IGSF21: variants seen among roughly 807,000 people sequenced by gnomAD.
The protein encoded by IGSF21 is immunoglobulin superfamily member 21.
In IGSF21, 28 loss-of-function variants were observed where a neutral mutation model predicts 46.8. The observed-to-expected ratio is 0.60, with a 90% confidence interval of 0.44 to 0.82. IGSF21 has a LOEUF of 0.82. IGSF21 is among the 40% of genes least tolerant of loss of function. The pLI is 0.00. For synonymous variants in IGSF21, 284 were observed against 273.6 expected (o/e 1.04, Z -0.38); for missense variants, 624 against 665.5 (o/e 0.94, Z 0.69).
rs553130846 is a variant in IGSF21 at position 18,179,505 on chromosome 1, G to C, written c.71-48393G>C. Among the ~76,000 whole-genome samples, 12 of 152,284 alleles carry C rather than the reference G, an allele frequency of 7.9e-5. No individual in the cohort carries two copies. In the South Asian group the frequency reaches 8.3e-4, roughly 11 times the overall value. ...AGATGTATTCCAAAGATGTAATCCA[G>C]GCTGGATTTGTAATTCTATATTCAT... On this transcript the variant is annotated intron_variant, in intron 1 of 9. Transcript: ENST00000251296.
intron 1 of IGSF21, among the ~76,000 whole-genome samples, chr1:18,133,790 C>T (rs1053809675): frequency 1.1e-4 from 16 of 152,240 alleles, no homozygotes; most frequent in African/African-American, 2.9e-4. Flanking sequence ...TGGAAGCCTC[C>T]GGTGGGGGGC....
At chr1:18,259,192 C>T (rs223187) in intron 2 of IGSF21, among the ~76,000 whole-genome samples, 61,785 of 152,060 alleles carry the variant, frequency 0.41, 13,558 homozygotes, top group African/African-American at 0.57. Flanking sequence ...AGAGAAATCT[C>T]AGTGGAACTT....
intron 1 of IGSF21, among the ~76,000 whole-genome samples, chr1:18,159,097 C>T (rs1334765198): frequency 2.0e-5 from 3 of 152,200 alleles, no homozygotes; most frequent in African/African-American, 2.4e-5. Flanking sequence ...ACCATCACAT[C>T]GTGCTGTCAC....
At chr1:18,288,674 C>T (rs1304141835) in intron 2 of IGSF21, among the ~76,000 whole-genome samples, 1 of 152,216 alleles carries the variant, frequency 6.6e-6, no homozygotes, top group Non-Finnish European at 1.5e-5. Context: ...GAATAACATC[C>T]TTGCAAATAG....
chr1:18,116,868 C>T (rs1020844253), intron 1 of IGSF21, among the ~76,000 whole-genome samples: 2 of 152,194 alleles, frequency 1.3e-5, no homozygotes, highest in Non-Finnish European at 2.9e-5. Context: ...AGAAACAGCA[C>T]ATGCAAAGGG....
At chr1:18,370,359 G>T (rs111543844) in intron 6 of IGSF21, among the ~76,000 whole-genome samples, 5 of 152,266 alleles carry the variant, frequency 3.3e-5, no homozygotes, top group African/African-American at 1.2e-4. Flanking sequence ...TCAGGAAAGA[G>T]AAGTTCTCTT....
intron 1 of IGSF21, among the ~76,000 whole-genome samples, chr1:18,130,003 C>T (rs969202978): frequency 7.9e-5 from 12 of 152,128 alleles, no homozygotes; most frequent in Non-Finnish European, 8.8e-5. Flanking sequence ...TATAAATTAC[C>T]CATGTTGTGA....
chr1:18,357,543 G>A (rs1054592222), intron 4 of IGSF21, among the ~76,000 whole-genome samples: 5 of 151,780 alleles, frequency 3.3e-5, no homozygotes, highest in African/African-American at 7.3e-5. Context: ...GTGGGAATAG[G>A]AATATAAAAA....
chr1:18,187,067 T>G (rs1355868552), intron 1 of IGSF21, among the ~76,000 whole-genome samples: 1 of 152,110 alleles, frequency 6.6e-6, no homozygotes. Flanking sequence ...CTGCGTGGCT[T>G]CAACTATAGA....
chr1:18,131,002 T>G (rs2086316166), intron 1 of IGSF21, among the ~76,000 whole-genome samples: 1 of 152,180 alleles, frequency 6.6e-6, no homozygotes, highest in African/African-American at 2.4e-5. Context: ...GTCTTTGAGG[T>G]CCGCCTAGGC....
At chr1:18,256,090 C>A (rs2084889794) in intron 2 of IGSF21, among the ~76,000 whole-genome samples, 1 of 152,206 alleles carries the variant, frequency 6.6e-6, no homozygotes, top group Non-Finnish European at 1.5e-5. Context: ...CCAACCCAGG[C>A]CCTCCCACCT....
At position 18,236,641 on chromosome 1, in the gene IGSF21, T is replaced by A. The variant is rs554849296; in HGVS notation, c.183+8631T>A. 1.6e-4 allele frequency among the ~76,000 whole-genome samples: 25 copies of A among 152,258 alleles called. 1 individual carries two copies. In the South Asian group the frequency reaches 5.0e-3, roughly 30 times the overall value. On this transcript the variant is annotated intron_variant, in intron 2 of 9. Transcript: ENST00000251296. ...TGGATGGTACCCAGTGCTAGACCCT[T>A]GGGCACTCCAATATTTAGAGATAGA...
chr1:18,205,686 G>A (rs2084312790), intron 1 of IGSF21, among the ~76,000 whole-genome samples: 1 of 152,132 alleles, frequency 6.6e-6, no homozygotes, highest in South Asian at 2.1e-4. Flanking sequence ...TGAACTGGGA[G>A]GAGGACTGAC....
At chr1:18,298,643 T>C (rs1185669964) in intron 3 of IGSF21, among the ~76,000 whole-genome samples, 5 of 152,034 alleles carry the variant, frequency 3.3e-5, no homozygotes, top group African/African-American at 1.2e-4. Context: ...CTGGAGTAAA[T>C]GAAAAAAAGA....
At chr1:18,179,690 G>A (rs1019317705) in intron 1 of IGSF21, among the ~76,000 whole-genome samples, 11 of 152,136 alleles carry the variant, frequency 7.2e-5, no homozygotes, top group Admixed American at 7.2e-4. Flanking sequence ...GAACTGGTGA[G>A]GAGGGGTCGG....
intron 1 of IGSF21, among the ~76,000 whole-genome samples, chr1:18,171,673 TAAAC>T (rs1042709443): frequency 6.6e-6 from 1 of 152,202 alleles, no homozygotes; most frequent in Non-Finnish European, 1.5e-5. Flanking sequence ...AAGCACTTAA[TAAAC>T]AAAAGCCTTC....
chr1:18,153,355 T>C (rs1326486263), intron 1 of IGSF21, among the ~76,000 whole-genome samples: 2 of 152,196 alleles, frequency 1.3e-5, no homozygotes, highest in Admixed American at 6.5e-5. Flanking sequence ...AACAGTCTTG[T>C]CTTCACTCCG....
intron 1 of IGSF21, among the ~76,000 whole-genome samples, chr1:18,199,144 G>A (rs775589810): frequency 6.6e-5 from 10 of 152,052 alleles, no homozygotes; most frequent in East Asian, 1.9e-4. Context: ...AAGGCCCCCC[G>A]GTACATTAAA....
At chr1:18,170,045 G>T (rs1188487792) in intron 1 of IGSF21, among the ~76,000 whole-genome samples, 1 of 152,188 alleles carries the variant, frequency 6.6e-6, no homozygotes, top group African/African-American at 2.4e-5. Context: ...CCCAGGATCT[G>T]TCACAAGCCC....
Sources: allele counts gnomAD v4.1 joint callset (sites outside exome capture counted in the v4.1 genomes callset), GRCh38; gene constraint gnomAD v4.1.1; transcripts MANE v1.5; gene names NCBI Gene and HGNC (gene_info 2026-07-23, HGNC 2026-07-21).